Variants in WWOX observed in about 807,000 individuals in gnomAD.
The protein encoded by WWOX is WW domain containing oxidoreductase, also known as WW domain-containing oxidoreductase.
A neutral mutation model predicts 46.2 loss-of-function variants in WWOX; 69 were observed. That is an observed-to-expected ratio of 1.49 (90% confidence interval 1.23 to 1.82). WWOX has a LOEUF of 1.82. Among genes scored for constraint, WWOX ranks in the 40% most tolerant of loss-of-function variants. The pLI, the probability that WWOX is intolerant of heterozygous loss-of-function variation, is 0.00. For synonymous variants in WWOX, 359 were observed against 202.6 expected (o/e 1.77, Z -6.56); for missense variants, 919 against 542.6 (o/e 1.69, Z -6.89).
intron 8 of WWOX, among the ~76,000 whole-genome samples, chr16:78,605,148 A>G (rs2045724824): frequency 6.7e-6 from 1 of 150,336 alleles, no homozygotes; most frequent in Non-Finnish European, 1.5e-5. Flanking sequence ...TTTCTCTACT[A>G]GACCTTCAAA....
intron 8 of WWOX, among the ~76,000 whole-genome samples, chr16:78,956,762 G>A (rs2046175407): frequency 6.6e-6 from 1 of 152,146 alleles, no homozygotes; most frequent in South Asian, 2.1e-4. Flanking sequence ...TTTGGGATCT[G>A]CTGAGCCCAG....
chr16:78,794,245 C>T (rs1157186461), intron 8 of WWOX, among the ~76,000 whole-genome samples: 4 of 152,250 alleles, frequency 2.6e-5, no homozygotes, highest in African/African-American at 9.6e-5. Context: ...GGACTCTGGC[C>T]AGACATTGAA....
chr16:78,852,581 C>G (rs1003171326), intron 8 of WWOX, among the ~76,000 whole-genome samples: 4 of 152,104 alleles, frequency 2.6e-5, no homozygotes, highest in Admixed American at 1.3e-4. Flanking sequence ...AGGAGACACC[C>G]AAGTCAAATC....
chr16:78,676,505 C>A (rs79479363), intron 8 of WWOX, among the ~76,000 whole-genome samples: 1 of 151,636 alleles, frequency 6.6e-6, no homozygotes, highest in Non-Finnish European at 1.5e-5. Context: ...TGGGTTTCAT[C>A]ACCAGGAAAG....
At chr16:78,826,801 G>A (rs981349717) in intron 8 of WWOX, among the ~76,000 whole-genome samples, 1 of 152,128 alleles carries the variant, frequency 6.6e-6, no homozygotes, top group East Asian at 1.9e-4. Context: ...GTGGTATGAG[G>A]TCACAGTCAC....
intron 8 of WWOX, among the ~76,000 whole-genome samples, chr16:78,950,985 C>G (rs1228435405): frequency 6.6e-6 from 1 of 152,210 alleles, no homozygotes; most frequent in Non-Finnish European, 1.5e-5. Context: ...AACCGCCTCT[C>G]TTAATTCACC....
At chr16:78,862,927 C>A (rs2043922249) in intron 8 of WWOX, among the ~76,000 whole-genome samples, 1 of 150,694 alleles carries the variant, frequency 6.6e-6, no homozygotes, top group African/African-American at 2.4e-5. Flanking sequence ...CAAGTGGACA[C>A]ATACAATTAG....
chr16:78,967,636 A>C (rs1057208915), intron 8 of WWOX, among the ~76,000 whole-genome samples: 4 of 151,946 alleles, frequency 2.6e-5, no homozygotes, highest in African/African-American at 9.7e-5. Flanking sequence ...GAAATACAGG[A>C]AACAGCCAAG....
chr16:79,021,554 T>C (rs1166597102), intron 8 of WWOX, among the ~76,000 whole-genome samples: 4 of 152,188 alleles, frequency 2.6e-5, no homozygotes. Context: ...GGTCGGTCCA[T>C]TAACTACTAA....
chr16:78,604,428 G>C (rs1212320230), intron 8 of WWOX, among the ~76,000 whole-genome samples: 3 of 152,130 alleles, frequency 2.0e-5, no homozygotes, highest in African/African-American at 7.2e-5. Flanking sequence ...ACGGTGCTGA[G>C]TGATGCTGTG....
chr16:78,688,354 C>G (rs1223796673), intron 8 of WWOX, among the ~76,000 whole-genome samples: 3 of 147,214 alleles, frequency 2.0e-5, no homozygotes, highest in East Asian at 3.9e-4. Context: ...TGATGAGTCA[C>G]TATATCAGTT....
At chr16:78,438,660 C>G (rs529801336) in intron 8 of WWOX, among the ~76,000 whole-genome samples, 1 of 152,072 alleles carries the variant, frequency 6.6e-6, no homozygotes, top group African/African-American at 2.4e-5. Flanking sequence ...GTAGCAAGAG[C>G]TTAGCAGATG....
intron 5 of WWOX, among the ~76,000 whole-genome samples, chr16:78,345,826 C>G (rs115017575): frequency 8.5e-6 from 1 of 118,064 alleles, no homozygotes; most frequent in African/African-American, 2.9e-5. Flanking sequence ...TTGACACATG[C>G]CTTTTGCTTA....
At chr16:78,727,889 C>T (rs1253082962) in intron 8 of WWOX, among the ~76,000 whole-genome samples, 1 of 151,984 alleles carries the variant, frequency 6.6e-6, no homozygotes, top group Non-Finnish European at 1.5e-5. Flanking sequence ...AGTAGTTATC[C>T]AGGACCCAAA....
chr16:79,062,200 C>T (rs776668906), intron 8 of WWOX, among the ~76,000 whole-genome samples: 2 of 152,076 alleles, frequency 1.3e-5, no homozygotes, highest in Non-Finnish European at 2.9e-5. Context: ...AGAGGGAAAG[C>T]GAGGAAGAAG....
At chr16:79,121,683 G>T (rs1597393371) in intron 8 of WWOX, among the ~76,000 whole-genome samples, 1 of 152,164 alleles carries the variant, frequency 6.6e-6, no homozygotes, top group East Asian at 1.9e-4. Flanking sequence ...GGGAAGCTGG[G>T]CTTTGGGAAG....
At chr16:78,747,768 G>A (rs778486568) in intron 8 of WWOX, among the ~76,000 whole-genome samples, 1 of 152,206 alleles carries the variant, frequency 6.6e-6, no homozygotes, top group Non-Finnish European at 1.5e-5. Flanking sequence ...AGGAGATGCT[G>A]CAGCTTGGCA....
chr16:78,397,323 C>T (rs7192844), intron 6 of WWOX, among the ~76,000 whole-genome samples: 22,193 of 152,150 alleles, frequency 0.15, 2,854 homozygotes, highest in African/African-American at 0.34. Flanking sequence ...AGCTATTTAT[C>T]ATGTGTCATG....
intron 8 of WWOX, among the ~76,000 whole-genome samples, chr16:78,916,126 T>C (rs2045245703): frequency 6.6e-6 from 1 of 152,176 alleles, no homozygotes; most frequent in Non-Finnish European, 1.5e-5. Context: ...CCCGCACAGA[T>C]AACCGTCCCA....
Sources: allele counts gnomAD v4.1 joint callset (sites outside exome capture counted in the v4.1 genomes callset), GRCh38; gene constraint gnomAD v4.1.1; transcripts MANE v1.5; gene names NCBI Gene and HGNC (gene_info 2026-07-23, HGNC 2026-07-21).